The following ZNF804B variants were observed in gnomAD, a reference collection of about 807,000 sequenced individuals.
ZNF804B encodes the protein zinc finger 804B.
Under a neutral mutation model 101.4 loss-of-function variants are expected in ZNF804B, and 80 were observed. The observed-to-expected ratio is 0.79, with a 90% CI of 0.66 to 0.95. The LOEUF is 0.95. Ranked by LOEUF, ZNF804B falls within the 40% of genes least tolerant of loss-of-function variation. The pLI, the probability that ZNF804B is intolerant of heterozygous loss-of-function variation, is 0.00. For synonymous variants in ZNF804B, 622 were observed against 558.8 expected, an observed-to-expected ratio of 1.11 and a Z score of -1.59; for missense variants, 1,673 against 1,561.9, an observed-to-expected ratio of 1.07 and a Z score of -1.20.
At chr7:89,233,016 G>T (rs1373817776) in intron 2 of ZNF804B, among the ~76,000 whole-genome samples, 1 of 152,108 alleles carries the variant, frequency 6.6e-6, no homozygotes, top group East Asian at 1.9e-4. Context: ...CCGCCTCCCG[G>T]GTTCACGCCA....
At chr7:89,123,031 G>T (rs1790427592) in intron 1 of ZNF804B, among the ~76,000 whole-genome samples, 1 of 152,016 alleles carries the variant, frequency 6.6e-6, no homozygotes. Context: ...CTGACACCAT[G>T]ATCCCGTGGT....
intron 1 of ZNF804B, among the ~76,000 whole-genome samples, chr7:88,841,851 A>G (rs1051851917): frequency 2.6e-5 from 4 of 152,178 alleles, no homozygotes; most frequent in African/African-American, 4.8e-5. Flanking sequence ...AATTATATTC[A>G]GTAGAATTTT....
At chr7:89,004,139 A>G (rs912386954) in intron 1 of ZNF804B, among the ~76,000 whole-genome samples, 8 of 151,678 alleles carry the variant, frequency 5.3e-5, no homozygotes, top group Admixed American at 2.6e-4. Context: ...TGGCACTGGT[A>G]ATATCTGGTT....
chr7:88,831,147 A>T (rs1228316377), intron 1 of ZNF804B, among the ~76,000 whole-genome samples: 1 of 151,956 alleles, frequency 6.6e-6, no homozygotes, highest in African/African-American at 2.4e-5. Flanking sequence ...CCATCACCAC[A>T]ATTAGTTTTA....
chr7:89,023,469 G>A (rs1196237149), intron 1 of ZNF804B, among the ~76,000 whole-genome samples: 2 of 152,186 alleles, frequency 1.3e-5, no homozygotes, highest in African/African-American at 2.4e-5. Context: ...AATAAAATAA[G>A]ATGATACATG....
At chr7:89,048,855 A>G (rs1468572269) in intron 1 of ZNF804B, among the ~76,000 whole-genome samples, 1 of 151,890 alleles carries the variant, frequency 6.6e-6, no homozygotes, top group East Asian at 1.9e-4. Context: ...AAATAAACCA[A>G]GGTCAAGTTT....
chr7:89,053,596 T>C (rs1376329019), intron 1 of ZNF804B, among the ~76,000 whole-genome samples: 1 of 152,028 alleles, frequency 6.6e-6, no homozygotes, highest in Non-Finnish European at 1.5e-5. Context: ...AAATTTTTGA[T>C]TGTTTTTGGC....
At chr7:88,936,834 A>C (rs1007345018) in intron 1 of ZNF804B, among the ~76,000 whole-genome samples, 1 of 152,070 alleles carries the variant, frequency 6.6e-6, no homozygotes, top group Non-Finnish European at 1.5e-5. Context: ...GCTGTTTCTA[A>C]GGTCTTTTAA....
At chr7:89,309,687 C>CAGGCGGA (rs1253693483) in intron 2 of ZNF804B, among the ~76,000 whole-genome samples, 7 of 140,422 alleles carry the variant, frequency 5.0e-5, no homozygotes, top group African/African-American at 1.9e-4. Context: ...TTGAACCATG[C>CAGGCGGA]AGGCGGAGGT....
chr7:89,011,745 T>A (rs879289416), intron 1 of ZNF804B, among the ~76,000 whole-genome samples: 1 of 123,796 alleles, frequency 8.1e-6, no homozygotes, highest in Non-Finnish European at 1.9e-5. Context: ...GCTCTGCCCC[T>A]ATGTCTTTGA....
intron 1 of ZNF804B, among the ~76,000 whole-genome samples, chr7:88,942,737 C>G (rs1184015744): frequency 6.6e-6 from 1 of 151,692 alleles, no homozygotes; most frequent in South Asian, 2.1e-4. Flanking sequence ...AAAGTCTTTT[C>G]TAGTCTTGGG....
chr7:89,187,056 C>T (rs2115601201), intron 1 of ZNF804B, among the ~76,000 whole-genome samples: 1 of 152,272 alleles, frequency 6.6e-6, no homozygotes, highest in Admixed American at 6.5e-5. Flanking sequence ...TCCAAATTTA[C>T]TCTCAGCATT....
chr7:89,012,829 A>G lies in ZNF804B; in HGVS notation c.109-205326A>G, dbSNP rs913609356. Reference sequence around the variant, plus strand: ...CAACGCCCCACTACTCCCAGTACCAATTTTCTGTATTAATCTGTTCTCATG... The same window carrying G: ...CAACGCCCCACTACTCCCAGTACCAGTTTTCTGTATTAATCTGTTCTCATG... On this transcript the variant is annotated intron_variant, in intron 1 of 3. Transcript: ENST00000333190. Among the ~76,000 whole-genome samples, 7 of 152,178 alleles carry G rather than the reference A, an allele frequency of 4.6e-5. No individual in the cohort carries two copies. In the South Asian group the frequency reaches 6.2e-4, roughly 14 times the overall value.
At chr7:89,246,153 A>G (rs1195509334) in intron 2 of ZNF804B, among the ~76,000 whole-genome samples, 1 of 152,194 alleles carries the variant, frequency 6.6e-6, no homozygotes, top group Non-Finnish European at 1.5e-5. Flanking sequence ...ACCAGGGTAC[A>G]GACCTCCACA....
At chr7:88,871,004 TAGTTA>T (rs66725725) in intron 1 of ZNF804B, among the ~76,000 whole-genome samples, 15,249 of 152,076 alleles carry the variant, frequency 0.1, 1,214 homozygotes, top group East Asian at 0.34. Context: ...TTGTTTCTCA[TAGTTA>T]AGTTCTAGAT....
chr7:88,793,730 A>C (rs1790421690), intron 1 of ZNF804B, among the ~76,000 whole-genome samples: 1 of 152,062 alleles, frequency 6.6e-6, no homozygotes. Flanking sequence ...TTCTACATGT[A>C]CTTGCCTCTA....
intron 3 of ZNF804B, among the ~76,000 whole-genome samples, chr7:89,327,812 T>C (rs1436338020): frequency 1.3e-5 from 2 of 148,694 alleles, no homozygotes; most frequent in Non-Finnish European, 2.9e-5. Flanking sequence ...TAATTAACAA[T>C]ATATCTTAGG....
intron 1 of ZNF804B, among the ~76,000 whole-genome samples, chr7:88,902,354 A>G (rs1792405351): frequency 6.6e-6 from 1 of 152,026 alleles, no homozygotes; most frequent in African/African-American, 2.4e-5. Context: ...TTAATACCCT[A>G]GAGCTATTAC....
intron 1 of ZNF804B, among the ~76,000 whole-genome samples, chr7:88,894,970 T>C (rs1792265708): frequency 6.6e-6 from 1 of 152,258 alleles, no homozygotes. Context: ...ATAACACAAA[T>C]GGTGAACATT....
Sources: gnomAD v4.1 joint callset for allele counts (sites outside exome capture counted in the v4.1 genomes callset) on GRCh38, gnomAD v4.1.1 for gene constraint, MANE v1.5 for transcripts, NCBI Gene and HGNC (gene_info 2026-07-23, HGNC 2026-07-21) for gene names.